The following BUD23 variants were observed in gnomAD, a reference collection of about 807,000 sequenced individuals.
BUD23 encodes the protein 18S rRNA (guanine-N(7))-methyltransferase.
A neutral mutation model predicts 47.0 loss-of-function variants in BUD23; 34 were observed. That is an observed-to-expected ratio of 0.72 (90% CI 0.55 to 0.96). The LOEUF (loss-of-function observed/expected upper bound fraction) is 0.96. Among genes scored for constraint, BUD23 ranks in the 40% least tolerant of loss-of-function variants. The pLI, the probability that BUD23 is intolerant of heterozygous loss-of-function variation, is 0.00. For missense variants in BUD23, 343 were observed against 361.2 expected (o/e 0.95, Z 0.41); for synonymous variants, 124 against 132.0 (o/e 0.94, Z 0.41).
intron 10 of BUD23, chr7:73,695,079 T>C (rs1798347982): frequency 6.6e-6 from 1 of 152,482 alleles, no homozygotes; most frequent in Non-Finnish European, 1.5e-5. Context: ...GCCTCCCAAG[T>C]AGCTGAGACT....
chr7:73,697,715 T>C, intron 11 of BUD23, 21 bp downstream of exon 11: 1 of 1,561,012 alleles, frequency 6.4e-7, no homozygotes, highest in Non-Finnish European at 8.7e-7. Flanking sequence ...GCCTGGGAGC[T>C]GGCAGGGTGG....
chr7:73,685,063 G>C (rs1216727192), intron 2 of BUD23, among the ~76,000 whole-genome samples: 1 of 150,936 alleles, frequency 6.6e-6, no homozygotes, highest in Non-Finnish European at 1.5e-5. Flanking sequence ...TCCCAGCCCT[G>C]TGGGAGGCGG....
At chr7:73,691,418 C>T (rs1336260534) in intron 6 of BUD23, among the ~76,000 whole-genome samples, 1 of 152,160 alleles carries the variant, frequency 6.6e-6, no homozygotes, top group Non-Finnish European at 1.5e-5. Flanking sequence ...TGCCCACATC[C>T]TTCTGACTCC....
Position 73,698,136 on chromosome 7 carries a change from G to GAA in BUD23, c.*250_*251insAA, listed in dbSNP as rs373910695. ...CATAATGAAACTTCCTTTCCAGGGA[G>GAA]GAAAAAAAAAAAAAAAAAAAGCTCT... On this transcript the variant is annotated 3_prime_UTR_variant, in exon 12 of 12. Transcript: ENST00000265758. 0.35 allele frequency: 38,652 copies of GAA among 109,018 alleles called. 8,721 individuals are homozygous for GAA. Among genetic ancestry groups the GAA allele is most frequent in the Non-Finnish European group, 0.47 (24,475 of 52,044 alleles). 6.8% of individuals were successfully genotyped at this position (109,018 alleles called of 1,614,324 possible). A position where few individuals can be genotyped will look rare whatever the true frequency, so the allele number is the denominator to read the frequency against.
rs781984867 is a variant in BUD23, at chr7:73,697,860, G to A, written c.820G>A (p.Gly274Ser). The change falls in exon 12 of 12, where the codon GGC becomes AGC. Residue 274 changes from glycine to serine, a missense_variant. Transcript: ENST00000265758. ...REVRPDTQYT[G>S]RKRKPRF ...AGTCAGACCTGACACCCAGTACACC[G>A]GCCGCAAGCGCAAGCCCCGCTTCTA... 1.9e-5 allele frequency: 31 copies of A among 1,613,748 alleles called. No homozygotes were observed. Among genetic ancestry groups the A allele is most frequent in the Admixed American group, 5.0e-5 (3 of 59,918 alleles).
chr7:73,690,543 G>T (rs538686706), intron 5 of BUD23, among the ~76,000 whole-genome samples: 7 of 152,298 alleles, frequency 4.6e-5, no homozygotes, highest in African/African-American at 1.7e-4. Context: ...GGGACTATGG[G>T]ACATAAATGC....
chr7:73,684,734 C>T (rs1797880776), intron 2 of BUD23, among the ~76,000 whole-genome samples: 1 of 150,838 alleles, frequency 6.6e-6, no homozygotes, highest in South Asian at 2.1e-4. Flanking sequence ...ACCAGCCTGG[C>T]CAACATGGCG....
At chr7:73,690,805 G>T in intron 5 of BUD23, 111 bp from the exon 6 acceptor site, 1 of 797,514 alleles carries the variant, frequency 1.3e-6, no homozygotes, top group Non-Finnish European at 2.1e-6. Context: ...GGAAGCTGTG[G>T]GAGGAGGGGT....
At position 73,697,887 on chromosome 7, in the gene BUD23, G is replaced by GTCA. The variant is rs1554615201; in HGVS notation, c.*2_*4dup. ...CCGCAAGCGCAAGCCCCGCTTCTAA[G>GTCA]TCACCACGCGGTTCTGGAAAGGCAC... On this transcript the variant is annotated 3_prime_UTR_variant, in exon 12 of 12. Transcript: ENST00000265758. The GTCA allele has an allele frequency of 5.6e-6, 9 of 1,613,504 alleles. No homozygotes were observed. Among genetic ancestry groups the GTCA allele is most frequent in the Non-Finnish European group, 7.6e-6 (9 of 1,179,884 alleles).
At chr7:73,691,113 C>T (rs1452784621) in intron 6 of BUD23, 101 bp downstream of exon 6, 2 of 1,028,154 alleles carry the variant, frequency 1.9e-6, no homozygotes, top group Non-Finnish European at 3.0e-6. Context: ...GGGTAAGCTA[C>T]TCATATGGGA....
In BUD23 at chr7:73,692,615, TC is replaced by T; in HGVS notation, c.481del (p.Leu161CysfsTer13). The T allele has an allele frequency of 6.2e-7, 1 of 1,613,968 alleles. No individual in the cohort carries two copies. The highest frequency in any genetic ancestry group is 8.5e-7 in the Non-Finnish European group (1 of 1,179,840). On this transcript the variant is annotated frameshift_variant, in exon 7 of 12. Coordinates refer to ENST00000265758, the MANE Select transcript of BUD23 (RefSeq NM_017528.5). LOFTEE classifies it high-confidence loss of function. ...FSVLVRGSRA[V>X]LQLYPENSEQ... is the part of the protein sequence containing the mutation. ...TTTCAGGTCCGGGGATCCCGAGCTGTCCTGCAGCTGTACCCTGAGAACTCAG... is the reference window on the plus strand; with the variant it reads ...TTTCAGGTCCGGGGATCCCGAGCTGTCTGCAGCTGTACCCTGAGAACTCAG...
intron 2 of BUD23, among the ~76,000 whole-genome samples, chr7:73,686,085 C>A (rs1797955177): frequency 7.5e-6 from 1 of 133,242 alleles, no homozygotes; most frequent in Admixed American, 7.7e-5. Context: ...GACAACAGAG[C>A]AAGACTCCGT....
intron 10 of BUD23, chr7:73,695,931 C>T (rs1798385349): frequency 6.6e-6 from 1 of 152,180 alleles, no homozygotes; most frequent in African/African-American, 2.4e-5. Context: ...TACCAGTTGA[C>T]TTGGTTATTA....
rs201884053 is a variant in BUD23, at chr7:73,697,931, A to G, written c.*45A>G. The G allele has an allele frequency of 1.6e-5, 25 of 1,573,162 alleles. No homozygotes were observed. Among genetic ancestry groups the G allele is most frequent in the African/African-American group, 2.8e-5 (2 of 72,644 alleles). On this transcript the variant is annotated 3_prime_UTR_variant, in exon 12 of 12. Transcript: ENST00000265758. ...AAGGCACTTGCCTCTGCACTTTTCTATATTGTTCAGCTGACAAAGTAGTAT... is the reference window on the plus strand; with the variant it reads ...AAGGCACTTGCCTCTGCACTTTTCTGTATTGTTCAGCTGACAAAGTAGTAT...
intron 7 of BUD23, 37 bp from the exon 8 acceptor site, chr7:73,693,292 A>G (rs781829915): frequency 5.7e-6 from 9 of 1,586,944 alleles, no homozygotes; most frequent in Middle Eastern, 1.7e-4. Flanking sequence ...GCTCCTCTCA[A>G]CCTCCGCTGC....
chr7:73,697,403 C>G, intron 10 of BUD23: 6 of 1,532,902 alleles, frequency 3.9e-6, no homozygotes, highest in East Asian at 2.4e-5. Context: ...ACCCAACAAC[C>G]TCTGTGGCCC....
chr7:73,683,618 G>C lies in BUD23; in HGVS notation c.-8G>C, dbSNP rs2293486. On this transcript the variant is annotated 5_prime_UTR_variant, in exon 1 of 12. Coordinates refer to ENST00000265758, the MANE Select transcript of BUD23 (RefSeq NM_017528.5). Reference sequence around the variant, plus strand: ...CGCCAGTCGCAGGTGTGCTGCTGAGGCGTGAGAATGGCGTCCCGCGGCCGG... The same window carrying C: ...CGCCAGTCGCAGGTGTGCTGCTGAGCCGTGAGAATGGCGTCCCGCGGCCGG... The C allele has an allele frequency of 0.041, 65,492 of 1,606,844 alleles. 7,309 individuals carry two copies. The East Asian group carries it at 0.44, about 11-fold the overall frequency.
At chr7:73,687,233 G>C in intron 5 of BUD23, 138 bp downstream of exon 5, 1 of 878,808 alleles carries the variant, frequency 1.1e-6, no homozygotes, top group South Asian at 1.6e-5. Flanking sequence ...GCCCACCTCA[G>C]TCTCCTGAGT....
intron 7 of BUD23, 64 bp from the exon 8 acceptor site, chr7:73,693,265 G>T: frequency 7.1e-7 from 1 of 1,418,136 alleles, no homozygotes; most frequent in Admixed American, 1.9e-5. Context: ...AAGGAGGGGA[G>T]GGAGGTGAAG....
Sources: gnomAD v4.1 joint callset for allele counts (sites outside exome capture counted in the v4.1 genomes callset) on GRCh38, gnomAD v4.1.1 for gene constraint, MANE v1.5 for transcripts, NCBI Gene and HGNC (gene_info 2026-07-23, HGNC 2026-07-21) for gene names.